FCMR: variants seen among roughly 807,000 people sequenced by gnomAD.
The protein encoded by FCMR is Fc mu receptor.
Under a neutral mutation model 41.6 loss-of-function variants are expected in FCMR, and 34 were observed. The ratio of observed to expected loss-of-function variants is 0.82; its 90% confidence interval spans 0.62 to 1.09. The LOEUF (loss-of-function observed/expected upper bound fraction) is 1.09, where lower values mean the gene tolerates loss of function less well. Among genes scored for constraint, FCMR ranks in the 50% least tolerant of loss-of-function variants. FCMR has a pLI of 0.00. For synonymous variants in FCMR, 209 were observed against 211.8 expected (o/e 0.99, Z 0.12); for missense variants, 496 against 512.5 (o/e 0.97, Z 0.31).
In FCMR at chr1:206,904,841, C is replaced by G; in HGVS notation, c.*178G>C. 4.4e-6 allele frequency: 3 copies of G among 674,230 alleles called. No homozygotes were observed. The highest frequency in any genetic ancestry group is 7.7e-6 in the Non-Finnish European group (3 of 390,762). 41.8% of individuals were successfully genotyped at this position (674,230 alleles called of 1,614,324 possible). A position where few individuals can be genotyped will look rare whatever the true frequency, so the allele number is the denominator to read the frequency against. The stretch of plus-strand genomic sequence containing the variant: ...CAGGGGGCTGCCAAGGTGTGCAAGA[C>G]GACCTGGGGGCAGAGCCATGCTCAG... On this transcript the variant is annotated 3_prime_UTR_variant, in exon 8 of 8. Transcript: ENST00000367091.
intron 1 of FCMR, among the ~76,000 whole-genome samples, chr1:206,920,031 A>G (rs1214690448): frequency 2.0e-4 from 30 of 152,218 alleles, no homozygotes; most frequent in Admixed American, 2.0e-3. Context: ...GGAACTTATC[A>G]CTGAATAAAC....
chr1:206,907,652 G>A (rs1216456865), intron 7 of FCMR: 3 of 772,958 alleles, frequency 3.9e-6, no homozygotes, highest in Non-Finnish European at 7.1e-6. Flanking sequence ...GCTTGATGGT[G>A]GAGGCCATCT....
intron 7 of FCMR, chr1:206,906,305 G>A: frequency 4.1e-6 from 1 of 246,254 alleles, no homozygotes; most frequent in Non-Finnish European, 8.3e-6. Flanking sequence ...TAATACCTGA[G>A]CTTCCTTTAG....
At position 206,910,288 on chromosome 1, in the gene FCMR, G is replaced by A. The variant is rs1678876076; in HGVS notation, c.763C>T (p.Leu255=). ...SGREGQGFHI[L]IPTILGLFLL... ...AAAAGGCCCAGGATGGTCGGGATCA[G>A]GATGTGAAATCCTTGGCCTTCCCTC... The change falls in exon 5 of 8, where the codon CTG becomes TTG. Residue 255 remains leucine, a synonymous_variant. Coordinates refer to ENST00000367091, the MANE Select transcript of FCMR (RefSeq NM_005449.5). 7.0e-6 allele frequency: 11 copies of A among 1,577,354 alleles called. No homozygotes were observed. Among genetic ancestry groups the A allele is most frequent in the Non-Finnish European group, 9.5e-6 (11 of 1,161,394 alleles).
intron 7 of FCMR, chr1:206,907,856 T>C: frequency 7.3e-7 from 1 of 1,377,494 alleles, no homozygotes; most frequent in Non-Finnish European, 1.0e-6. Context: ...CAGCCGCATC[T>C]TGTGGCACAA....
In FCMR at chr1:206,909,786, C is replaced by A; in HGVS notation, c.924G>T (p.Pro308=). 1 of 1,452,406 alleles carries A rather than the reference C, an allele frequency of 6.9e-7. No individual in the cohort carries two copies. The highest frequency in any genetic ancestry group is 9.0e-7 in the Non-Finnish European group (1 of 1,110,710). 90.0% of individuals were successfully genotyped at this position (1,452,406 alleles called of 1,614,324 possible). A position where few individuals can be genotyped will look rare whatever the true frequency, so the allele number is the denominator to read the frequency against. The part of the protein sequence containing the change: ...SSQRPRGSPR[P]RSQNNIYSAC... ...CGCTGTAGATGTTGTTTTGGGAGCG[C>A]GGTCGCGGCGACCCGCGGGGCCTCT... Residue 308 remains proline (P), a synonymous_variant, in exon 6 of 8, where the codon CCG becomes CCT. Coordinates refer to ENST00000367091, the MANE Select transcript of FCMR (RefSeq NM_005449.5). This position sits in a 1 kb window ranked among gnomAD's most constrained non-coding sequence, Gnocchi z 5.0.
chr1:206,920,317 C>T (rs539145646), intron 1 of FCMR, among the ~76,000 whole-genome samples: 34 of 151,936 alleles, frequency 2.2e-4, no homozygotes, highest in Non-Finnish European at 4.1e-4. Context: ...TAGCCTGTCA[C>T]GATAGTGCGC....
chr1:206,922,222 T>C (rs1169961341), upstream of FCMR, among the ~76,000 whole-genome samples: 1 of 152,222 alleles, frequency 6.6e-6, no homozygotes, highest in East Asian at 1.9e-4. Flanking sequence ...TTATGTATAC[T>C]CATTGGCTTC....
upstream of FCMR, among the ~76,000 whole-genome samples, chr1:206,922,891 C>T (rs926632923): frequency 1.1e-4 from 16 of 152,162 alleles, no homozygotes; most frequent in Non-Finnish European, 5.9e-5. Flanking sequence ...TTTCCCTGGG[C>T]CTCGGTTTTT....
chr1:206,905,012 G>A lies in FCMR; in HGVS notation c.*7C>T, dbSNP rs201503546. On this transcript the variant is annotated 3_prime_UTR_variant, in exon 8 of 8. Coordinates refer to ENST00000367091, the MANE Select transcript of FCMR (RefSeq NM_005449.5). ...GAGCCTGGGGTTGGGGGATAGCTGG[G>A]GAGTTGTCAGGCAGGAACATTGATG... 140 of 1,613,744 alleles carry A rather than the reference G, an allele frequency of 8.7e-5. 2 individuals carry two copies. The South Asian group carries it at 1.5e-3, about 17-fold the overall frequency.
Position 206,909,769 on chromosome 1 carries a change from A to T in FCMR, c.941T>A (p.Ile314Asn). The change falls in exon 6 of 8, where the codon ATC becomes AAC. Residue 314 changes from isoleucine to asparagine, a missense_variant. Transcript: ENST00000367091. This position sits in a 1 kb window ranked among gnomAD's most constrained non-coding sequence, Gnocchi z 5.0. ...AGCGCGCCGCGGGCAGGCGCTGTAG[A>T]TGTTGTTTTGGGAGCGCGGTCGCGG... The part of the protein sequence containing the change: ...GSPRPRSQNN[I>N]YSACPRRARG... 1 of 1,464,944 alleles carries T rather than the reference A, an allele frequency of 6.8e-7. No homozygotes were observed. The highest frequency in any genetic ancestry group is 9.0e-7 in the Non-Finnish European group (1 of 1,117,302). 90.7% of individuals were successfully genotyped at this position (1,464,944 alleles called of 1,614,324 possible).
chr1:206,920,159 T>C (rs1044942029), intron 1 of FCMR, among the ~76,000 whole-genome samples: 1 of 151,942 alleles, frequency 6.6e-6, no homozygotes, highest in Admixed American at 6.6e-5. Flanking sequence ...GAAGAACCCA[T>C]AAAAAGTGAA....
At chr1:206,918,377 C>T (rs1010477722) in intron 1 of FCMR, among the ~76,000 whole-genome samples, 2 of 152,294 alleles carry the variant, frequency 1.3e-5, no homozygotes, top group African/African-American at 2.4e-5. Flanking sequence ...TCCCCTCACT[C>T]GCTCATTGAC....
At chr1:206,910,077 C>G (rs1192329472) in intron 5 of FCMR, 133 bp downstream of exon 5, 1 of 1,186,814 alleles carries the variant, frequency 8.4e-7, no homozygotes, top group African/African-American at 1.6e-5. Context: ...GTGGCCCCCA[C>G]TTCCCTAACT....
Position 206,909,992 on chromosome 1 carries a change from G to T in FCMR, c.842-124C>A. ...TGTCTGACCTGGAGATGCTCCAAGC[G>T]TGGGGAATGTACGAGGCACGGCCTT... On this transcript the variant is annotated intron_variant, in intron 5 of 7. Coordinates refer to ENST00000367091, the MANE Select transcript of FCMR (RefSeq NM_005449.5). This position sits in a 1 kb window ranked among gnomAD's most constrained non-coding sequence, Gnocchi z 5.0. 1 of 1,202,414 alleles carries T rather than the reference G, an allele frequency of 8.3e-7. No homozygotes were observed. Among genetic ancestry groups the T allele is most frequent in the Non-Finnish European group, 1.1e-6 (1 of 913,280 alleles). 74.5% of individuals were successfully genotyped at this position (1,202,414 alleles called of 1,614,324 possible).
chr1:206,907,495 C>T, intron 7 of FCMR: 2 of 421,816 alleles, frequency 4.7e-6, no homozygotes, highest in Non-Finnish European at 4.5e-6. Flanking sequence ...CTGTCTGAGC[C>T]TTTATTTGGG....
intron 1 of FCMR, among the ~76,000 whole-genome samples, chr1:206,920,018 C>T (rs996367043): frequency 7.2e-5 from 11 of 152,218 alleles, no homozygotes; most frequent in Admixed American, 2.0e-4. Flanking sequence ...CTTTAATCCA[C>T]AAGGAACTTA....
chr1:206,908,102 A>C, intron 7 of FCMR: 1 of 1,166,936 alleles, frequency 8.6e-7, no homozygotes, highest in Non-Finnish European at 1.2e-6. Flanking sequence ...AAGTGGAAGG[A>C]GAAGGCCAAG....
In FCMR at chr1:206,914,053, C is replaced by A; in HGVS notation, c.79G>T (p.Gly27Trp). The A allele has an allele frequency of 6.2e-7, 1 of 1,614,182 alleles. No homozygotes were observed. The highest frequency in any genetic ancestry group is 8.5e-7 in the Non-Finnish European group (1 of 1,180,026). Residue 27 changes from glycine to tryptophan, a missense_variant, in exon 2 of 8, where the codon GGG (glycine) becomes TGG (tryptophan). Coordinates refer to ENST00000367091, the MANE Select transcript of FCMR (RefSeq NM_005449.5). ...ATGGTAACTGATCCGCCCAGCTCCC[C>A]CTCTACCTTTACTTCTGGGAGGATC... is the stretch of plus-strand genomic sequence containing the variant. ...LRILPEVKVEGELGGSVTIKC... is the reference protein window; with the variant it reads ...LRILPEVKVEWELGGSVTIKC...
Sources: allele counts gnomAD v4.1 joint callset (sites outside exome capture counted in the v4.1 genomes callset), GRCh38; gene constraint gnomAD v4.1.1; non-coding constraint Gnocchi (gnomAD v3.1); transcripts MANE v1.5; gene names NCBI Gene and HGNC (gene_info 2026-07-23, HGNC 2026-07-21).